MAP1B: variants seen among roughly 807,000 people sequenced by gnomAD.
MAP1B encodes microtubule associated protein 1B.
MAP1B carries 12 observed loss-of-function variants against 176.1 expected under a neutral mutation model. That is an observed-to-expected ratio of 0.07 (90% CI 0.04 to 0.11). The LOEUF is 0.11. Among genes scored for constraint, MAP1B ranks in the 10% least tolerant of loss-of-function variants. The pLI is 1.00. For missense variants in MAP1B, 2,523 were observed against 2,990.5 expected (o/e 0.84, Z 3.65); for synonymous variants, 1,044 against 1,135.0 (o/e 0.92, Z 1.61).
Position 72,193,851 on chromosome 5 carries a change from T to G in MAP1B, c.511-15T>G, listed in dbSNP as rs1747083375. The G allele has an allele frequency of 2.6e-6, 4 of 1,557,176 alleles. No individual in the cohort carries two copies. In the South Asian group the frequency reaches 3.8e-5, roughly 15 times the overall value. ...TTACACCTTTTCTTTCTTTCTTTCT[T>G]TCTTTAAAACCCAGATCGGGGAGTT... On this transcript the variant is annotated splice_polypyrimidine_tract_variant and intron_variant, in intron 4 of 6. Coordinates refer to ENST00000296755, the MANE Select transcript of MAP1B (RefSeq NM_005909.5).
In MAP1B at chr5:72,193,891, A is replaced by G; in HGVS notation, c.536A>G (p.His179Arg). The change falls in exon 5 of 7, where the codon CAT (histidine) becomes CGT (arginine). Residue 179 changes from histidine to arginine, a missense_variant. By Grantham distance (29) the His-to-Arg change is conservative. This residue lies in a region of MAP1B where 307 missense variants were observed against 438.4 expected (regional missense o/e 0.70). Coordinates refer to ENST00000296755, the MANE Select transcript of MAP1B (RefSeq NM_005909.5). Reference protein sequence around the residue: ...QEIGELLSTTHPANKASLTLF... With the variant: ...QEIGELLSTTRPANKASLTLF... The stretch of plus-strand genomic sequence containing the variant: ...ATCGGGGAGTTACTAAGCACCACCC[A>G]TCCTGCCAACAAAGCCAGCTTAACC... 1.2e-6 allele frequency: 2 copies of G among 1,605,648 alleles called. No homozygotes were observed. Among genetic ancestry groups the G allele is most frequent in the Non-Finnish European group, 1.7e-6 (2 of 1,176,746 alleles).
chr5:72,159,984 C>T (rs1014042474), intron 2 of MAP1B, among the ~76,000 whole-genome samples: 1 of 152,122 alleles, frequency 6.6e-6, no homozygotes, highest in Non-Finnish European at 1.5e-5. Flanking sequence ...CTTCCTCCAG[C>T]GTCTTGTAGA....
chr5:72,119,742 C>G (rs1252826562), intron 2 of MAP1B, among the ~76,000 whole-genome samples: 1 of 152,156 alleles, frequency 6.6e-6, no homozygotes, highest in Non-Finnish European at 1.5e-5. Flanking sequence ...CTCCTGAGCT[C>G]AAGCAATCTG....
intron 2 of MAP1B, among the ~76,000 whole-genome samples, chr5:72,177,669 C>T (rs763679786): frequency 2.6e-5 from 4 of 152,180 alleles, no homozygotes; most frequent in Non-Finnish European, 2.9e-5. Context: ...AGAAAGGAGG[C>T]CTGGAGCTGG....
chr5:72,192,397 G>A (rs868127414), intron 4 of MAP1B, among the ~76,000 whole-genome samples: 3 of 152,306 alleles, frequency 2.0e-5, no homozygotes, highest in Middle Eastern at 6.8e-3. Context: ...ACAGAAAATT[G>A]TGAAGTCACA....
intron 2 of MAP1B, among the ~76,000 whole-genome samples, chr5:72,150,776 G>C (rs1746126527): frequency 6.6e-6 from 1 of 152,140 alleles, no homozygotes; most frequent in Admixed American, 6.5e-5. Context: ...TCCTGCATTA[G>C]TTTGCTAAGG....
rs576829615 is a variant in MAP1B at position 72,114,195 on chromosome 5, A to G, written c.185-1503A>G. Among the ~76,000 whole-genome samples, 15 of 152,332 alleles carry G rather than the reference A, an allele frequency of 9.8e-5. No homozygotes were observed. The South Asian group carries it at 3.1e-3, about 32-fold the overall frequency. ...TAATCTAAAGATATTTTAGATGTGC[A>G]GTGAACTGAGTTTCCAGAATCTTTT... is the stretch of plus-strand genomic sequence containing the variant. On this transcript the variant is annotated intron_variant, in intron 1 of 6. Coordinates refer to ENST00000296755, the MANE Select transcript of MAP1B (RefSeq NM_005909.5).
intron 2 of MAP1B, among the ~76,000 whole-genome samples, chr5:72,155,756 A>ATTTTC (rs1746217357): frequency 4.6e-5 from 6 of 131,384 alleles, no homozygotes; most frequent in African/African-American, 1.7e-4. Flanking sequence ...TGATTGATTG[A>ATTTTC]TTTTCTTTTC....
intron 2 of MAP1B, among the ~76,000 whole-genome samples, chr5:72,182,396 C>T (rs554217029): frequency 3.9e-5 from 6 of 152,194 alleles, no homozygotes; most frequent in Non-Finnish European, 8.8e-5. Context: ...CATGTTTTGG[C>T]ATTATCAGAA....
In MAP1B at chr5:72,197,125, C is replaced by G; in HGVS notation, c.3770C>G (p.Pro1257Arg). The change falls in exon 5 of 7, where the codon CCG (proline) becomes CGG (arginine). Residue 1257 changes from proline (P) to arginine (R), a missense_variant. Physicochemically the swap from Pro to Arg is moderately radical, Grantham distance 103. Transcript: ENST00000296755. ...SSEKVSPSKSPSLSPSPPSPL... is the reference protein window; with the variant it reads ...SSEKVSPSKSRSLSPSPPSPL... ...GAAAAGGTCAGCCCATCGAAGAGCC[C>G]GTCCCTGAGTCCATCTCCACCATCA... The G allele has an allele frequency of 2.5e-6, 4 of 1,614,204 alleles. No homozygotes were observed. The highest frequency in any genetic ancestry group is 3.4e-6 in the Non-Finnish European group (4 of 1,180,022).
chr5:72,178,033 C>T (rs565031507), intron 2 of MAP1B, among the ~76,000 whole-genome samples: 1 of 152,154 alleles, frequency 6.6e-6, no homozygotes. Context: ...GGCGGAGTCT[C>T]ACTCTGTTGC....
chr5:72,196,004 A>C lies in MAP1B; in HGVS notation c.2649A>C (p.Glu883Asp). 1 of 1,614,254 alleles carries C rather than the reference A, an allele frequency of 6.2e-7. No individual in the cohort carries two copies. Among genetic ancestry groups the C allele is most frequent in the Non-Finnish European group, 8.5e-7 (1 of 1,180,048 alleles). The change falls in exon 5 of 7, where the codon GAA becomes GAC. Residue 883 changes from glutamate (E) to aspartate (D), a missense_variant. By Grantham distance (45) the Glu-to-Asp change is conservative (BLOSUM62 2). Around this residue, in one of 4 missense-constraint regions of MAP1B, gnomAD observed 1,925 missense variants for 2,126.0 expected, o/e 0.91. Coordinates refer to ENST00000296755, the MANE Select transcript of MAP1B (RefSeq NM_005909.5). This position sits in a 1 kb window ranked among gnomAD's most constrained non-coding sequence, Gnocchi z 5.3. ...CCTACGTCATCCAGAAGGAGAGAGAAGTCACCAAAGGTCCTGCCGAGTCCC... is the reference window on the plus strand; with the variant it reads ...CCTACGTCATCCAGAAGGAGAGAGACGTCACCAAAGGTCCTGCCGAGTCCC... ...VEAYVIQKER[E>D]VTKGPAESPD...
At chr5:72,159,011 G>A (rs1188402918) in intron 2 of MAP1B, among the ~76,000 whole-genome samples, 1 of 152,102 alleles carries the variant, frequency 6.6e-6, no homozygotes, top group Non-Finnish European at 1.5e-5. Flanking sequence ...AGCCATATGG[G>A]GTGTGAGTAC....
At position 72,199,221 on chromosome 5, in the gene MAP1B, T is replaced by A; in HGVS notation, c.5866T>A (p.Ser1956Thr). ...TTRTPEEGGY[S>T]YDISEKTTSP... is the part of the protein sequence containing the mutation. Reference sequence around the variant, plus strand: ...ACGGACCCCTGAAGAGGGTGGGTACTCATATGACATAAGTGAAAAGACCAC... The same window carrying A: ...ACGGACCCCTGAAGAGGGTGGGTACACATATGACATAAGTGAAAAGACCAC... The change falls in exon 5 of 7, where the codon TCA becomes ACA. Residue 1956 changes from serine to threonine, a missense_variant. Around this residue, in one of 4 missense-constraint regions of MAP1B, gnomAD observed 1,925 missense variants for 2,126.0 expected, o/e 0.91. Coordinates refer to ENST00000296755, the MANE Select transcript of MAP1B (RefSeq NM_005909.5). This position sits in a 1 kb window ranked among gnomAD's most constrained non-coding sequence, Gnocchi z 4.2. 4.3e-6 allele frequency: 7 copies of A among 1,614,064 alleles called. No individual in the cohort carries two copies. The highest frequency in any genetic ancestry group is 5.9e-6 in the Non-Finnish European group (7 of 1,179,976).
chr5:72,115,908 C>G, intron 2 of MAP1B, 109 bp downstream of exon 2: 1 of 741,418 alleles, frequency 1.3e-6, no homozygotes, highest in South Asian at 1.5e-5. Context: ...TAAAAGGATA[C>G]TTTGTATTTG....
In MAP1B at chr5:72,128,404, GT is replaced by G. The variant is rs201912516; in HGVS notation, c.286+12609del. On this transcript the variant is annotated intron_variant, in intron 2 of 6. Coordinates refer to ENST00000296755, the MANE Select transcript of MAP1B (RefSeq NM_005909.5). ...AAAAGAGTCATTGATTGCAGATATT[GT>G]TTTAAAAAAAAAAAAAAACACTCAA... 1.2e-3 allele frequency among the ~76,000 whole-genome samples: 132 copies of G among 114,144 alleles called. No homozygotes were observed. In the South Asian group the frequency reaches 0.02, roughly 18 times the overall value. The allele number at this position is 114,144 out of a possible 152,430, so 74.9% of individuals were successfully genotyped here. A position where few individuals can be genotyped will look rare whatever the true frequency, so the allele number is the denominator to read the frequency against.
intron 2 of MAP1B, among the ~76,000 whole-genome samples, chr5:72,149,818 G>C (rs1313915399): frequency 6.6e-6 from 1 of 152,226 alleles, no homozygotes; most frequent in African/African-American, 2.4e-5. Context: ...GAGGGAGGAA[G>C]TGGGACAAAT....
At chr5:72,161,789 TCTA>T (rs1328167451) in intron 2 of MAP1B, among the ~76,000 whole-genome samples, 2 of 151,652 alleles carry the variant, frequency 1.3e-5, no homozygotes, top group African/African-American at 2.4e-5. Context: ...AAACCCTGCC[TCTA>T]CTAAAAATAC....
At position 72,198,716 on chromosome 5, in the gene MAP1B, C is replaced by G. The variant is rs1747246720; in HGVS notation, c.5361C>G (p.Leu1787=). Residue 1787 remains leucine, a synonymous_variant, in exon 5 of 7, where the codon CTC becomes CTG. Coordinates refer to ENST00000296755, the MANE Select transcript of MAP1B (RefSeq NM_005909.5). ...KLSPKSDISP[L]TPRESSPLYS... ...CTCCAAAATCTGATATCTCTCCACT[C>G]ACCCCACGAGAGTCCTCTCCTTTAT... The G allele has an allele frequency of 2.5e-6, 4 of 1,614,078 alleles. No homozygotes were observed. Among genetic ancestry groups the G allele is most frequent in the Non-Finnish European group, 3.4e-6 (4 of 1,180,052 alleles).
Sources: allele counts gnomAD v4.1 joint callset (sites outside exome capture counted in the v4.1 genomes callset), GRCh38; gene constraint gnomAD v4.1.1; regional missense constraint gnomAD v4.1.1; non-coding constraint Gnocchi (gnomAD v3.1); transcripts MANE v1.5; gene names NCBI Gene and HGNC (gene_info 2026-07-23, HGNC 2026-07-21).